ANKRD30BL: variants seen among roughly 807,000 people sequenced by gnomAD.
The protein encoded by ANKRD30BL is putative ankyrin repeat domain-containing protein 30B-like.
In ANKRD30BL, 20 loss-of-function variants were observed where a neutral mutation model predicts 18.4. That is an observed-to-expected ratio of 1.09 (90% CI 0.77 to 1.58). The LOEUF is 1.58. Ranked by LOEUF, ANKRD30BL falls within the 40% of genes most tolerant of loss-of-function variation. ANKRD30BL has a pLI of 0.00. For missense variants in ANKRD30BL, 224 were observed against 268.6 expected, an observed-to-expected ratio of 0.83 and a Z score of 1.16; for synonymous variants, 72 against 100.9, an observed-to-expected ratio of 0.71 and a Z score of 1.72.
chr2:132,220,440 T>C (rs1679643831), intron 1 of ANKRD30BL, among the ~76,000 whole-genome samples: 1 of 151,800 alleles, frequency 6.6e-6, no homozygotes, highest in South Asian at 2.1e-4. Flanking sequence ...ACTGCTGCGA[T>C]CTCGGCTCAC....
intron 1 of ANKRD30BL, among the ~76,000 whole-genome samples, chr2:132,173,593 C>T (rs1688317963): frequency 6.6e-6 from 1 of 152,062 alleles, no homozygotes; most frequent in East Asian, 1.9e-4. Flanking sequence ...CGCTCCTGGC[C>T]CAGTTTTGCT....
intron 1 of ANKRD30BL, among the ~76,000 whole-genome samples, chr2:132,254,314 T>C (rs1475518850): frequency 6.6e-6 from 1 of 152,174 alleles, no homozygotes; most frequent in African/African-American, 2.4e-5. Context: ...AGGAAGGACA[T>C]GGCGGCGTCT....
chr2:132,253,824 C>T (rs1363604708), intron 1 of ANKRD30BL, among the ~76,000 whole-genome samples: 3 of 152,064 alleles, frequency 2.0e-5, no homozygotes, highest in Non-Finnish European at 4.4e-5. Context: ...GACCGGCATC[C>T]GGCCCCCTAC....
At chr2:132,184,421 C>T (rs933799222) in intron 1 of ANKRD30BL, among the ~76,000 whole-genome samples, 2 of 152,166 alleles carry the variant, frequency 1.3e-5, no homozygotes, top group Admixed American at 1.3e-4. Flanking sequence ...TTGCTAAAAA[C>T]TGAATTTTGT....
At chr2:132,181,496 T>C (rs1455694281) in intron 1 of ANKRD30BL, among the ~76,000 whole-genome samples, 1 of 149,868 alleles carries the variant, frequency 6.7e-6, no homozygotes, top group African/African-American at 2.4e-5. Context: ...GAGGGATAAA[T>C]GGAGAGAAAG....
rs990704231 is a variant in ANKRD30BL at position 132,205,720 on chromosome 2, A to G, written n.442-48574T>C. Among the ~76,000 whole-genome samples the G allele has an allele frequency of 3.1e-3, 469 of 152,222 alleles. 2 individuals carry two copies. Among genetic ancestry groups the G allele is most frequent in the African/African-American group, 0.011 (446 of 41,566 alleles). On this transcript the variant is annotated intron_variant and non_coding_transcript_variant, in intron 1 of 4. Coordinates refer to the ANKRD30BL transcript ENST00000470729. ...GGAAGTCAAGGTAGAAGGAAATTTA[A>G]AGAAGGAAATGAGAAGCAATGCAGA... is the stretch of plus-strand genomic sequence containing the variant.
At chr2:132,206,421 G>A (rs1463424465) in intron 1 of ANKRD30BL, among the ~76,000 whole-genome samples, 5 of 152,154 alleles carry the variant, frequency 3.3e-5, no homozygotes, top group Non-Finnish European at 7.3e-5. Flanking sequence ...ATATCAGGAT[G>A]TCTGGAACTG....
chr2:132,154,722 T>G lies in ANKRD30BL; in HGVS notation c.554A>C (p.Glu185Ala). ...TTTTGTCAGTAAAAATTCCACAATTTCCTCACTTCTTTTCCTTATGGCCAG... is the reference window on the plus strand; with the variant it reads ...TTTTGTCAGTAAAAATTCCACAATTGCCTCACTTCTTTTCCTTATGGCCAG... ...LLLAIRKRSE[E>A]IVEFLLTKNA... is the part of the protein sequence containing the mutation. The change falls in exon 4 of 6, where the codon GAA becomes GCA. Residue 185 changes from glutamate (E) to alanine (A), a missense_variant. Transcript: ENST00000409867. 1.4e-6 allele frequency: 1 copy of G among 734,724 alleles called. No individual in the cohort carries two copies. Among genetic ancestry groups the G allele is most frequent in the South Asian group, 1.4e-5 (1 of 69,378 alleles). The allele number at this position is 734,724 out of a possible 1,614,324, so 45.5% of individuals were successfully genotyped here.
rs1679698143 is a variant in ANKRD30BL at position 132,221,886 on chromosome 2, C to T, written n.441+35643G>A. On this transcript the variant is annotated intron_variant and non_coding_transcript_variant, in intron 1 of 4. Coordinates refer to the ANKRD30BL transcript ENST00000470729. The stretch of plus-strand genomic sequence containing the variant: ...GGGGGGAGGGGGAGTCAGCCCCCTG[C>T]CCAGCCAGCCGCCCCGTCTGGGAGG... Among the ~76,000 whole-genome samples, 3 of 124,462 alleles carry T rather than the reference C, an allele frequency of 2.4e-5. No homozygotes were observed. The South Asian group carries it at 7.3e-4, about 30-fold the overall frequency. 81.7% of individuals were successfully genotyped at this position (124,462 alleles called of 152,430 possible). A position where few individuals can be genotyped will look rare whatever the true frequency, so the allele number is the denominator to read the frequency against.
At position 132,234,513 on chromosome 2, in the gene ANKRD30BL, C is replaced by T. The variant is rs543979180; in HGVS notation, n.441+23016G>A. 1.8e-3 allele frequency among the ~76,000 whole-genome samples: 279 copies of T among 152,094 alleles called. 1 individual carries two copies. Among genetic ancestry groups the T allele is most frequent in the African/African-American group, 5.9e-3 (246 of 41,508 alleles). On this transcript the variant is annotated intron_variant and non_coding_transcript_variant, in intron 1 of 4. Transcript: ENST00000470729. The stretch of plus-strand genomic sequence containing the variant: ...AAAATGATAAAGGGGATATCACCAC[C>T]GATCTCACAGAAATACAAACTACCA...
At chr2:132,149,576 C>T (rs1687701720) in intron 5 of ANKRD30BL, among the ~76,000 whole-genome samples, 1 of 152,118 alleles carries the variant, frequency 6.6e-6, no homozygotes. Flanking sequence ...TATGTTAATT[C>T]TTATTGACAT....
intron 1 of ANKRD30BL, among the ~76,000 whole-genome samples, chr2:132,221,270 G>A (rs1679669661): frequency 6.8e-6 from 1 of 147,428 alleles, no homozygotes; most frequent in Non-Finnish European, 1.5e-5. Flanking sequence ...CCCCTACTGG[G>A]AAGTGAGGAG....
chr2:132,156,610 A>C (rs1236816803), intron 3 of ANKRD30BL: 1 of 155,612 alleles, frequency 6.4e-6, no homozygotes, highest in Non-Finnish European at 1.4e-5. Context: ...TTAAGAGGAA[A>C]TCCAGATTTC....
intron 1 of ANKRD30BL, among the ~76,000 whole-genome samples, chr2:132,247,106 A>G (rs1680522435): frequency 6.6e-6 from 1 of 151,588 alleles, no homozygotes. Flanking sequence ...CTGCAAGTGG[A>G]CATTTGGAGC....
At chr2:132,160,981 C>T (rs1170311517) in intron 1 of ANKRD30BL, among the ~76,000 whole-genome samples, 1 of 147,776 alleles carries the variant, frequency 6.8e-6, no homozygotes, top group Non-Finnish European at 1.5e-5. Context: ...CTTCTAAGGT[C>T]CCTCAGCAAA....
In ANKRD30BL at chr2:132,199,612, A is replaced by G. The variant is rs1434476125; in HGVS notation, n.442-42466T>C. Among the ~76,000 whole-genome samples, 2 of 151,580 alleles carry G rather than the reference A, an allele frequency of 1.3e-5. 1 individual carries two copies. The highest frequency in any genetic ancestry group is 6.3e-3 in the Middle Eastern group (2 of 316). On this transcript the variant is annotated intron_variant and non_coding_transcript_variant, in intron 1 of 4. Transcript: ENST00000470729. ...ACCTCCACCTGCCGAGTTCAAGCAA[A>G]TCTCCTGCCTCAGCCTCATGAGTAG... is the stretch of plus-strand genomic sequence containing the variant.
chr2:132,231,771 C>A (rs530651459), intron 1 of ANKRD30BL, among the ~76,000 whole-genome samples: 1 of 152,176 alleles, frequency 6.6e-6, no homozygotes, highest in African/African-American at 2.4e-5. Context: ...GAGGGGCACC[C>A]GCCATTACCC....
chr2:132,165,578 C>G (rs542903514), upstream of ANKRD30BL, among the ~76,000 whole-genome samples: 644 of 140,346 alleles, frequency 4.6e-3, 2 homozygotes, highest in African/African-American at 0.017. Context: ...AAAAAATTAG[C>G]CGGACATGGT....
At chr2:132,235,534 T>C (rs1680131024) in intron 1 of ANKRD30BL, among the ~76,000 whole-genome samples, 1 of 152,106 alleles carries the variant, frequency 6.6e-6, no homozygotes, top group South Asian at 2.1e-4. Context: ...AGCATTCTTA[T>C]ACACCAACAA....
Sources: gnomAD v4.1 joint callset for allele counts (sites outside exome capture counted in the v4.1 genomes callset) on GRCh38, gnomAD v4.1.1 for gene constraint, MANE v1.5 for transcripts, NCBI Gene and HGNC (gene_info 2026-07-23, HGNC 2026-07-21) for gene names.